H2AZ2: variants seen among roughly 807,000 people sequenced by gnomAD.
The protein encoded by H2AZ2 is H2A.Z variant histone 2.
A neutral mutation model predicts 15.5 loss-of-function variants in H2AZ2; 5 were observed. The ratio of observed to expected loss-of-function variants is 0.32; its 90% confidence interval spans 0.17 to 0.68. The LOEUF (loss-of-function observed/expected upper bound fraction) is 0.68. Among genes scored for constraint, H2AZ2 ranks in the 30% least tolerant of loss-of-function variants. The pLI, the probability that H2AZ2 is intolerant of heterozygous loss-of-function variation, is 0.72. For synonymous variants in H2AZ2, 44 were observed against 57.4 expected (o/e 0.77, Z 1.05); for missense variants, 42 against 162.5 (o/e 0.26, Z 4.03).
intron 2 of H2AZ2, 115 bp downstream of exon 2, chr7:44,843,137 CAAAAAAAAAAAAAAAAAAAAAAAAA>C (rs55941046): frequency 1.4e-4 from 12 of 86,184 alleles, no homozygotes; most frequent in East Asian, 1.2e-3. Context: ...GACTCTGTCT[CAAAAAAAAAAAAAAAAAAAAAAAAA>C]AAAAAAAAAA....
downstream of H2AZ2, among the ~76,000 whole-genome samples, chr7:44,831,489 A>C (rs1010928137): frequency 6.6e-6 from 1 of 152,136 alleles, no homozygotes; most frequent in African/African-American, 2.4e-5. Context: ...GCCCTGAATC[A>C]AGTGATTCAG....
chr7:44,840,435 A>C (rs1374266891), intron 3 of H2AZ2, among the ~76,000 whole-genome samples: 2 of 152,078 alleles, frequency 1.3e-5, no homozygotes, highest in Admixed American at 6.6e-5. Context: ...TTACATTGGC[A>C]TTGGGTAATA....
chr7:44,845,873 T>C (rs1337003481), intron 1 of H2AZ2, among the ~76,000 whole-genome samples: 2 of 152,186 alleles, frequency 1.3e-5, no homozygotes, highest in East Asian at 3.8e-4. Flanking sequence ...AATTACTTTC[T>C]TTCCGATATC....
intron 1 of H2AZ2, among the ~76,000 whole-genome samples, chr7:44,847,373 A>G (rs774897046): frequency 2.6e-5 from 4 of 152,248 alleles, no homozygotes; most frequent in Non-Finnish European, 4.4e-5. Context: ...GTACTGTTGT[A>G]TAATGAAAAC....
At chr7:44,841,545 T>C (rs956665796) in intron 2 of H2AZ2, among the ~76,000 whole-genome samples, 4 of 152,218 alleles carry the variant, frequency 2.6e-5, no homozygotes, top group African/African-American at 9.6e-5. Context: ...AGTCTCACTC[T>C]GTCACCCAGG....
At chr7:44,829,782 T>A (rs1323690259), downstream of H2AZ2, 1 of 186,442 alleles carries the variant, frequency 5.4e-6, no homozygotes, top group Non-Finnish European at 1.1e-5. Flanking sequence ...CACTCCCAGG[T>A]TCTCACTCTT....
At chr7:44,839,631 G>A (rs1425405275) in intron 3 of H2AZ2, among the ~76,000 whole-genome samples, 2 of 150,408 alleles carry the variant, frequency 1.3e-5, no homozygotes, top group Non-Finnish European at 3.0e-5. Flanking sequence ...GCAGTGAGCC[G>A]AGACTGCACC....
chr7:44,836,085 T>C (rs1009832391), intron 3 of H2AZ2, among the ~76,000 whole-genome samples: 1 of 151,214 alleles, frequency 6.6e-6, no homozygotes, highest in South Asian at 2.1e-4. Flanking sequence ...CCTAGCGTCC[T>C]GAGCTGCTGT....
At chr7:44,828,539 G>A (rs1792956269), downstream of H2AZ2, 1 of 152,192 alleles carries the variant, frequency 6.6e-6, no homozygotes, top group South Asian at 2.1e-4. Context: ...TTAAAGCAGT[G>A]AAGTCACACA....
intron 1 of H2AZ2, 28 bp from the exon 2 acceptor site, chr7:44,843,382 T>C (rs757003431): frequency 2.1e-6 from 3 of 1,435,110 alleles, no homozygotes; most frequent in Admixed American, 1.9e-5. Context: ...TTTTTTTGAA[T>C]GAAAAGAGTT....
At chr7:44,830,062 G>C (rs1215177592), downstream of H2AZ2, 2 of 1,396,362 alleles carry the variant, frequency 1.4e-6, no homozygotes, top group African/African-American at 1.4e-5. Context: ...CCTTGGTTCA[G>C]CTCAGCACAC....
At chr7:44,845,840 A>T (rs922400546) in intron 1 of H2AZ2, among the ~76,000 whole-genome samples, 1 of 152,224 alleles carries the variant, frequency 6.6e-6, no homozygotes, top group Non-Finnish European at 1.5e-5. Flanking sequence ...TTATCTGAAT[A>T]TAAAACTATA....
chr7:44,846,670 C>A (rs1227243105), intron 1 of H2AZ2, among the ~76,000 whole-genome samples: 53 of 108,528 alleles, frequency 4.9e-4, no homozygotes, highest in East Asian at 1.9e-3. Flanking sequence ...AAAAAAAAAA[C>A]CACAAAAAAC....
chr7:44,844,978 A>G (rs1793362436), intron 1 of H2AZ2, among the ~76,000 whole-genome samples: 1 of 152,188 alleles, frequency 6.6e-6, no homozygotes, highest in Admixed American at 6.5e-5. Context: ...TGCTTTTACC[A>G]TTTAAACAGA....
chr7:44,843,267 GATTC>G lies in H2AZ2; in HGVS notation c.81+6_81+9del. 1 of 1,562,228 alleles carries G rather than the reference GATTC, an allele frequency of 6.4e-7. No individual in the cohort carries two copies. Among genetic ancestry groups the G allele is most frequent in the East Asian group, 2.3e-5 (1 of 43,980 alleles). On this transcript the variant is annotated splice_donor_region_variant and intron_variant, in intron 2 of 4. Coordinates refer to ENST00000308153, the MANE Select transcript of H2AZ2 (RefSeq NM_012412.5). ...AAAATAATAATGTAATGACAGCATG[GATTC>G]ATTACCTGTAGCCCAGCTCTCTGTG...
At chr7:44,830,958 C>T (rs914743305), downstream of H2AZ2, among the ~76,000 whole-genome samples, 2 of 152,146 alleles carry the variant, frequency 1.3e-5, no homozygotes, top group Non-Finnish European at 2.9e-5. Context: ...TATTGGACTC[C>T]AGCCTAGGCA....
At chr7:44,847,420 C>G (rs147296301) in intron 1 of H2AZ2, among the ~76,000 whole-genome samples, 21 of 152,172 alleles carry the variant, frequency 1.4e-4, no homozygotes, top group Non-Finnish European at 1.5e-5. Context: ...AACGGGCGTT[C>G]ATTTCTAACC....
Position 44,841,007 on chromosome 7 carries a change from A to C in H2AZ2, c.87T>G (p.Pro29=), listed in dbSNP as rs755190543. ...TCAAGTGTCTGTGGATGCGGCCCACAGGAAACTAAAAGAGAGATGTCTTAG... is the reference window on the plus strand; with the variant it reads ...TCAAGTGTCTGTGGATGCGGCCCACCGGAAACTAAAAGAGAGATGTCTTAG... ...SRSQRAGLQF[P]VGRIHRHLKT... The change falls in exon 3 of 5, where the codon CCT becomes CCG. Residue 29 remains proline (P), a synonymous_variant. Transcript: ENST00000308153. The C allele has an allele frequency of 6.2e-7, 1 of 1,613,288 alleles. No individual in the cohort carries two copies.
At chr7:44,845,680 G>C (rs1793380450) in intron 1 of H2AZ2, among the ~76,000 whole-genome samples, 1 of 152,082 alleles carries the variant, frequency 6.6e-6, no homozygotes, top group African/African-American at 2.4e-5. Context: ...TTTCAGATAT[G>C]TCATATTTGG....
Sources: gnomAD v4.1 joint callset for allele counts (sites outside exome capture counted in the v4.1 genomes callset) on GRCh38, gnomAD v4.1.1 for gene constraint, MANE v1.5 for transcripts, NCBI Gene and HGNC (gene_info 2026-07-23, HGNC 2026-07-21) for gene names.